The following SLC39A11 variants were observed in gnomAD, a reference collection of about 807,000 sequenced individuals.
SLC39A11 encodes zinc transporter ZIP11.
In SLC39A11, 33 loss-of-function variants were observed where a neutral mutation model predicts 36.1. That is an observed-to-expected ratio of 0.91 (90% CI 0.69 to 1.22). SLC39A11 has a LOEUF of 1.22. Ranked by LOEUF, SLC39A11 falls within the 50% of genes most tolerant of loss-of-function variation. SLC39A11 has a pLI of 0.00. For synonymous variants in SLC39A11, 166 were observed against 170.3 expected, an observed-to-expected ratio of 0.97 and a Z score of 0.20; for missense variants, 432 against 430.3, an observed-to-expected ratio of 1.00 and a Z score of -0.03.
At chr17:72,915,151 C>T (rs2083261560) in intron 5 of SLC39A11, among the ~76,000 whole-genome samples, 1 of 152,126 alleles carries the variant, frequency 6.6e-6, no homozygotes, top group African/African-American at 2.4e-5. Context: ...CAGGGGGAGA[C>T]TGCCTGTCCC....
chr17:72,861,739 A>ATT (rs1382440767), intron 5 of SLC39A11, among the ~76,000 whole-genome samples: 2,393 of 54,566 alleles, frequency 0.044, 71 homozygotes, highest in African/African-American at 0.058. Context: ...CACATTGGAG[A>ATT]TTATATATAT....
intron 6 of SLC39A11, among the ~76,000 whole-genome samples, chr17:72,829,013 A>T (rs2078152534): frequency 6.6e-6 from 1 of 152,184 alleles, no homozygotes; most frequent in East Asian, 1.9e-4. Flanking sequence ...AGGTTTGGTA[A>T]CACAGTGCAG....
In SLC39A11 at chr17:72,670,158, TATACACACACACACAC is replaced by T. The variant is rs1271022941; in HGVS notation, c.672-20906_672-20891del. On this transcript the variant is annotated intron_variant, in intron 7 of 9. Coordinates refer to ENST00000255559, the MANE Select transcript of SLC39A11 (RefSeq NM_139177.4). ...TACGTATACACACACACACATTTTA[TATACACACACACACAC>T]ACACACACACACACACACACACACA... 2.2e-3 allele frequency among the ~76,000 whole-genome samples: 274 copies of T among 126,376 alleles called. 5 individuals are homozygous for T. Among genetic ancestry groups the T allele is most frequent in the African/African-American group, 6.8e-3 (216 of 31,640 alleles). The allele number at this position is 126,376 out of a possible 152,430, so 82.9% of individuals were successfully genotyped here.
Position 72,947,803 on chromosome 17 carries a change from G to C in SLC39A11, c.379C>G (p.Pro127Ala). The change falls in exon 5 of 10, where the codon CCT (proline) becomes GCT (alanine). Residue 127 changes from proline (P) to alanine (A), a missense_variant. Physicochemically the swap from Pro to Ala is conservative, Grantham distance 27. Transcript: ENST00000255559. The part of the protein sequence containing the change: ...GSTLMKKKSD[P>A]EGPALLFPES... ...GGGAAGAGCAGCGCGGGACCCTCAGGATCAGACTTCTTCTTCATCAACGTA... is the reference window on the plus strand; with the variant it reads ...GGGAAGAGCAGCGCGGGACCCTCAGCATCAGACTTCTTCTTCATCAACGTA... The C allele has an allele frequency of 6.2e-7, 1 of 1,614,144 alleles. No individual in the cohort carries two copies.
chr17:72,726,004 C>T lies in SLC39A11; in HGVS notation c.671+10646G>A, dbSNP rs192991892. Among the ~76,000 whole-genome samples, 4 of 152,336 alleles carry T rather than the reference C, an allele frequency of 2.6e-5. No individual in the cohort carries two copies. In the East Asian group the frequency reaches 7.7e-4, roughly 29 times the overall value. On this transcript the variant is annotated intron_variant, in intron 7 of 9. Coordinates refer to ENST00000255559, the MANE Select transcript of SLC39A11 (RefSeq NM_139177.4). Reference sequence around the variant, plus strand: ...TTCTCCACAAGTACCTTAGTGTCCTCAGGCTGGGTCTCCAATTCTCAGGCT... The same window carrying T: ...TTCTCCACAAGTACCTTAGTGTCCTTAGGCTGGGTCTCCAATTCTCAGGCT...
chr17:72,722,648 T>C (rs1340054196), intron 7 of SLC39A11, among the ~76,000 whole-genome samples: 1 of 152,064 alleles, frequency 6.6e-6, no homozygotes, highest in African/African-American at 2.4e-5. Context: ...TTTTTTTTCT[T>C]TTTTGAGACA....
chr17:73,028,144 G>T (rs1022806840), intron 4 of SLC39A11, among the ~76,000 whole-genome samples: 1 of 152,168 alleles, frequency 6.6e-6, no homozygotes, highest in Non-Finnish European at 1.5e-5. Context: ...ATCAGGAACT[G>T]AAATGATCTG....
chr17:73,081,662 CACACACACAT>C (rs1172927671), intron 3 of SLC39A11, among the ~76,000 whole-genome samples: 3 of 76,874 alleles, frequency 3.9e-5, no homozygotes, highest in Non-Finnish European at 8.0e-5. Flanking sequence ...CACACACACA[CACACACACAT>C]ATATATACAC....
intron 6 of SLC39A11, among the ~76,000 whole-genome samples, chr17:72,746,112 T>A (rs550704270): frequency 6.6e-6 from 1 of 151,842 alleles, no homozygotes; most frequent in African/African-American, 2.4e-5. Flanking sequence ...GCATGAGGAG[T>A]GTTCTCTGAA....
intron 6 of SLC39A11, among the ~76,000 whole-genome samples, chr17:72,757,676 TTTCTTCCCCTGGTCACTGGCTCCTCATG>T (rs2075409615): frequency 6.6e-6 from 1 of 151,992 alleles, no homozygotes; most frequent in South Asian, 2.1e-4. Flanking sequence ...CCTGCCTACT[TTTCTTCCCCTGGTCACTGGCTCCTCATG>T]CGTCATTTCT....
chr17:72,679,839 C>T (rs1221238826), intron 7 of SLC39A11, among the ~76,000 whole-genome samples: 3 of 152,122 alleles, frequency 2.0e-5, no homozygotes, highest in Non-Finnish European at 4.4e-5. Context: ...GCCAAGAGAT[C>T]GAGACCATCC....
chr17:73,009,907 G>T (rs190756119), intron 4 of SLC39A11, among the ~76,000 whole-genome samples: 5 of 150,514 alleles, frequency 3.3e-5, no homozygotes, highest in Admixed American at 3.3e-4. Context: ...CCCACGACAG[G>T]CCCCAGTGTG....
chr17:72,940,571 C>T (rs566289046), intron 5 of SLC39A11, among the ~76,000 whole-genome samples: 2 of 152,348 alleles, frequency 1.3e-5, no homozygotes, highest in East Asian at 1.9e-4. Context: ...CCACTGCGCC[C>T]GGCCCTGACT....
intron 7 of SLC39A11, among the ~76,000 whole-genome samples, chr17:72,660,792 C>T (rs2070376619): frequency 6.6e-6 from 1 of 152,178 alleles, no homozygotes; most frequent in South Asian, 2.1e-4. Flanking sequence ...GGGCCTGGTT[C>T]TGTGCAGTGT....
chr17:73,058,485 G>A lies in SLC39A11; in HGVS notation c.147+26323C>T, dbSNP rs570534815. ...CATATGTAACCCCAGCACTTTTGCAGGCCCAGACGGGCAGATCACCTGAGG... is the reference window on the plus strand; with the variant it reads ...CATATGTAACCCCAGCACTTTTGCAAGCCCAGACGGGCAGATCACCTGAGG... On this transcript the variant is annotated intron_variant, in intron 3 of 9. Coordinates refer to ENST00000255559, the MANE Select transcript of SLC39A11 (RefSeq NM_139177.4). 2.0e-5 allele frequency among the ~76,000 whole-genome samples: 3 copies of A among 152,288 alleles called. No homozygotes were observed. In the East Asian group the frequency reaches 5.8e-4, roughly 29 times the overall value.
At position 73,019,527 on chromosome 17, in the gene SLC39A11, A is replaced by C. The variant is rs117362268; in HGVS notation, c.306+12029T>G. Among the ~76,000 whole-genome samples, 541 of 152,328 alleles carry C rather than the reference A, an allele frequency of 3.6e-3. 2 individuals are homozygous for C. The highest frequency in any genetic ancestry group is 6.1e-3 in the Non-Finnish European group (418 of 68,018). ...TAAGACAATTACAAGGTAGACTATGATGGACCATTACAATGTTAATTCAAG... is the reference window on the plus strand; with the variant it reads ...TAAGACAATTACAAGGTAGACTATGCTGGACCATTACAATGTTAATTCAAG... On this transcript the variant is annotated intron_variant, in intron 4 of 9. Coordinates refer to ENST00000255559, the MANE Select transcript of SLC39A11 (RefSeq NM_139177.4).
intron 4 of SLC39A11, among the ~76,000 whole-genome samples, chr17:72,990,626 C>G (rs963320516): frequency 1.3e-5 from 2 of 152,128 alleles, no homozygotes; most frequent in Admixed American, 1.3e-4. Context: ...CAGGGTTTCA[C>G]CATGTTGGCC....
At chr17:73,030,192 G>GCTGCCCACCTC (rs1355466303) in intron 4 of SLC39A11, among the ~76,000 whole-genome samples, 6 of 152,194 alleles carry the variant, frequency 3.9e-5, no homozygotes, top group African/African-American at 7.2e-5. Context: ...TTGGCAGCTG[G>GCTGCCCACCTC]CTGCCCACCT....
At chr17:72,655,577 G>A (rs1222423160) in intron 7 of SLC39A11, among the ~76,000 whole-genome samples, 1 of 152,202 alleles carries the variant, frequency 6.6e-6, no homozygotes, top group African/African-American at 2.4e-5. Flanking sequence ...TGAGGATGGA[G>A]GCCAAGCCCG....
Sources: gnomAD v4.1 joint callset for allele counts (sites outside exome capture counted in the v4.1 genomes callset) on GRCh38, gnomAD v4.1.1 for gene constraint, MANE v1.5 for transcripts, NCBI Gene and HGNC (gene_info 2026-07-23, HGNC 2026-07-21) for gene names.